Variants in TST observed in about 807,000 individuals in gnomAD.
TST encodes the protein epididymis secretory sperm binding protein.
TST carries 22 observed loss-of-function variants against 20.4 expected under a neutral mutation model. The observed-to-expected ratio is 1.08, with a 90% CI of 0.77 to 1.54. The LOEUF (loss-of-function observed/expected upper bound fraction) is 1.54, where lower values mean the gene tolerates loss of function less well. Ranked by LOEUF, TST falls within the 40% of genes most tolerant of loss-of-function variation. TST has a pLI of 0.00. For missense variants in TST, 392 were observed against 405.2 expected (o/e 0.97, Z 0.28); for synonymous variants, 187 against 173.8 (o/e 1.08, Z -0.60).
chr22:37,012,706 G>T (rs1453405518), intron 2 of TST, among the ~76,000 whole-genome samples: 1 of 152,166 alleles, frequency 6.6e-6, no homozygotes, highest in Non-Finnish European at 1.5e-5. Flanking sequence ...AGCCAAGCAG[G>T]CCCTGAACCT....
Position 37,018,720 on chromosome 22 carries a change from C to T in TST, c.13G>A (p.Val5Met). 6.7e-7 allele frequency: 1 copy of T among 1,497,640 alleles called. No homozygotes were observed. Among genetic ancestry groups the T allele is most frequent in the South Asian group, 1.3e-5 (1 of 74,546 alleles). The allele number at this position is 1,497,640 out of a possible 1,614,324, so 92.8% of individuals were successfully genotyped here. The change falls in exon 2 of 3, where the codon GTG becomes ATG. Residue 5 changes from valine to methionine, a missense_variant. Physicochemically the swap from Val to Met is conservative, Grantham distance 21 (BLOSUM62 1). Coordinates refer to ENST00000249042, the MANE Select transcript of TST (RefSeq NM_003312.6). MVHQ[V>M]LYRALVSTKW... ...GTGGAGACCAGCGCCCGGTAGAGCA[C>T]CTGATGAACCATGGCTTCAGCTCTG...
upstream of TST, chr22:37,019,683 C>T (rs1050707106): frequency 8.2e-6 from 3 of 366,504 alleles, no homozygotes; most frequent in South Asian, 1.4e-4. Context: ...CGTACCCCCA[C>T]GGCCCGGCCA....
rs199892162 is a variant in TST at position 37,011,043 on chromosome 22, T to C, written c.878A>G (p.Lys293Arg). The C allele has an allele frequency of 1.2e-5, 19 of 1,609,856 alleles. No homozygotes were observed. Among genetic ancestry groups the C allele is most frequent in the South Asian group, 7.7e-5 (7 of 90,962 alleles). Residue 293 changes from lysine (K) to arginine (R), a missense_variant, in exon 3 of 3, where the codon AAG (lysine) becomes AGG (arginine). Transcript: ENST00000249042. The part of the protein sequence containing the change: ...APPESRVSQG[K>R]SEKA Reference sequence around the variant, plus strand: ...GGTCACGGCTCAGGCCTTCTCAGACTTTCCCTGGGACACACGGCTCTCTGG... The same window carrying C: ...GGTCACGGCTCAGGCCTTCTCAGACCTTCCCTGGGACACACGGCTCTCTGG...
At chr22:37,019,946 G>A, upstream of TST, 1 of 734,372 alleles carries the variant, frequency 1.4e-6, no homozygotes, top group Non-Finnish European at 1.9e-6. Context: ...TCGGCGCGGG[G>A]CTCCCGCGCG....
At chr22:37,014,385 A>G (rs183376474) in intron 2 of TST, among the ~76,000 whole-genome samples, 4,384 of 151,816 alleles carry the variant, frequency 0.029, 201 homozygotes, top group African/African-American at 0.1. Context: ...ACAAACAAAC[A>G]AACAAAAAGA....
chr22:37,019,221 C>G lies in TST; in HGVS notation c.-22+179G>C, dbSNP rs577835354. 4.4e-3 allele frequency: 684 copies of G among 156,658 alleles called. 5 individuals are homozygous for G. The highest frequency in any genetic ancestry group is 6.4e-3 in the Non-Finnish European group (455 of 71,404). 9.7% of individuals were successfully genotyped at this position (156,658 alleles called of 1,614,324 possible). A position where few individuals can be genotyped will look rare whatever the true frequency, so the allele number is the denominator to read the frequency against. ...TCGCCTGCGGCCTCCCCAGGCAGCCCGAGCTCGCCCGCCTCCAGAGTGCCC... is the reference window on the plus strand; with the variant it reads ...TCGCCTGCGGCCTCCCCAGGCAGCCGGAGCTCGCCCGCCTCCAGAGTGCCC... On this transcript the variant is annotated intron_variant, in intron 1 of 2. Coordinates refer to ENST00000249042, the MANE Select transcript of TST (RefSeq NM_003312.6).
intron 2 of TST, among the ~76,000 whole-genome samples, chr22:37,016,061 A>G (rs1025590025): frequency 1.1e-4 from 16 of 147,624 alleles, no homozygotes; most frequent in African/African-American, 4.0e-4. Flanking sequence ...CTCCTGCCTC[A>G]GCCTCCCAAG....
chr22:37,017,247 A>G (rs1922714227), intron 2 of TST, among the ~76,000 whole-genome samples: 1 of 152,032 alleles, frequency 6.6e-6, no homozygotes, highest in African/African-American at 2.4e-5. Flanking sequence ...AGAACTCAGC[A>G]TTTCCTCTCC....
intron 2 of TST, among the ~76,000 whole-genome samples, chr22:37,013,912 C>T (rs1922573994): frequency 6.6e-6 from 1 of 152,166 alleles, no homozygotes; most frequent in Non-Finnish European, 1.5e-5. Flanking sequence ...AAGGGCACCC[C>T]TTCTGAGTAA....
Position 37,011,382 on chromosome 22 carries a change from G to A in TST, c.596-57C>T, listed in dbSNP as rs920099767. The A allele has an allele frequency of 4.6e-6, 7 of 1,533,550 alleles. No individual in the cohort carries two copies. The African/African-American group carries it at 6.9e-5, about 15-fold the overall frequency. 95.0% of individuals were successfully genotyped at this position (1,533,550 alleles called of 1,614,324 possible). On this transcript the variant is annotated intron_variant, in intron 2 of 2. Transcript: ENST00000249042. Reference sequence around the variant, plus strand: ...TGTATGAGGGGTGGGGACTAATGGGGCCTGGAGGATTCCATCAGCTATAGC... The same window carrying A: ...TGTATGAGGGGTGGGGACTAATGGGACCTGGAGGATTCCATCAGCTATAGC...
At chr22:37,017,865 G>T (rs1325765854) in intron 2 of TST, among the ~76,000 whole-genome samples, 1 of 152,190 alleles carries the variant, frequency 6.6e-6, no homozygotes, top group East Asian at 1.9e-4. Flanking sequence ...AGTGGAGGTG[G>T]TGGACATGTC....
In TST at chr22:37,018,754, C is replaced by T; in HGVS notation, c.-21-1G>A. 1 of 1,459,066 alleles carries T rather than the reference C, an allele frequency of 6.9e-7. No individual in the cohort carries two copies. Among genetic ancestry groups the T allele is most frequent in the Non-Finnish European group, 9.0e-7 (1 of 1,110,102 alleles). 90.4% of individuals were successfully genotyped at this position (1,459,066 alleles called of 1,614,324 possible). A position where few individuals can be genotyped will look rare whatever the true frequency, so the allele number is the denominator to read the frequency against. On this transcript the variant is annotated splice_acceptor_variant, in intron 1 of 2. Transcript: ENST00000249042. LOFTEE classifies it low-confidence loss of function (5UTR_SPLICE). The stretch of plus-strand genomic sequence containing the variant: ...CCATGGCTTCAGCTCTGCGTGTCAC[C>T]TGGCACGGGTGGGAACCAGGAAAGA...
At chr22:37,014,957 C>A (rs1217460213) in intron 2 of TST, among the ~76,000 whole-genome samples, 2 of 152,170 alleles carry the variant, frequency 1.3e-5, no homozygotes, top group Non-Finnish European at 2.9e-5. Context: ...GCCAAGCTCC[C>A]AGCCCTGGGA....
chr22:37,018,049 G>A (rs1328164361), intron 2 of TST, 89 bp downstream of exon 2: 6 of 1,022,398 alleles, frequency 5.9e-6, no homozygotes, highest in African/African-American at 4.9e-5. Flanking sequence ...GGCATGGGAC[G>A]GACCCTGGAG....
At chr22:37,018,006 TGGAA>T (rs1922750320) in intron 2 of TST, 128 bp downstream of exon 2, 6 of 673,506 alleles carry the variant, frequency 8.9e-6, no homozygotes, top group Non-Finnish European at 1.4e-5. Context: ...GTTTTATCGA[TGGAA>T]AGACTGAGGC....
chr22:37,015,005 G>A (rs904749270), intron 2 of TST, among the ~76,000 whole-genome samples: 2 of 152,094 alleles, frequency 1.3e-5, no homozygotes, highest in Admixed American at 1.3e-4. Flanking sequence ...GTCCCATACA[G>A]CAGCCCGGGA....
chr22:37,019,734 GGTGGGCTGTGCC>G (rs1290565885), upstream of TST: 6,378 of 483,538 alleles, frequency 0.013, 295 homozygotes, highest in African/African-American at 0.11. Flanking sequence ...TGGCCGCGGC[GGTGGGCTGTGCC>G]GGAGTCTCCT....
chr22:37,011,336 C>G lies in TST; in HGVS notation c.596-11G>C. 6.9e-6 allele frequency: 11 copies of G among 1,605,648 alleles called. No homozygotes were observed. Among genetic ancestry groups the G allele is most frequent in the Non-Finnish European group, 9.4e-6 (11 of 1,173,952 alleles). ...GGCCCGAGTCCAGTCCTGGGCAGGG[C>G]AGAGGACACAGCTTAGGGGATGTAT... On this transcript the variant is annotated splice_polypyrimidine_tract_variant and intron_variant, in intron 2 of 2. Transcript: ENST00000249042.
At chr22:37,012,582 C>G (rs1406410327) in intron 2 of TST, among the ~76,000 whole-genome samples, 2 of 152,224 alleles carry the variant, frequency 1.3e-5, no homozygotes, top group Non-Finnish European at 2.9e-5. Context: ...CCTTGCTCCC[C>G]AAATCCCCAC....
Sources: gnomAD v4.1 joint callset for allele counts (sites outside exome capture counted in the v4.1 genomes callset) on GRCh38, gnomAD v4.1.1 for gene constraint, MANE v1.5 for transcripts, NCBI Gene and HGNC (gene_info 2026-07-23, HGNC 2026-07-21) for gene names.